The following PIEZO2 variants were observed in gnomAD, a reference collection of about 807,000 sequenced individuals.
PIEZO2 encodes the protein piezo type mechanosensitive ion channel component 2, also known as piezo-type mechanosensitive ion channel component 2.
Under a neutral mutation model 337.3 loss-of-function variants are expected in PIEZO2, and 172 were observed. The ratio of observed to expected loss-of-function variants is 0.51; its 90% CI spans 0.45 to 0.58. The LOEUF (loss-of-function observed/expected upper bound fraction) is 0.58, where lower values mean the gene tolerates loss of function less well. Ranked by LOEUF, PIEZO2 falls within the 20% of genes least tolerant of loss-of-function variation. The pLI, the probability that PIEZO2 is intolerant of heterozygous loss-of-function variation, is 0.00. For synonymous variants in PIEZO2, 1,251 were observed against 1,228.5 expected, an observed-to-expected ratio of 1.02 and a Z score of -0.38; for missense variants, 3,028 against 3,391.3, an observed-to-expected ratio of 0.89 and a Z score of 2.66.
chr18:10,723,026 G>A (rs1430350129), intron 36 of PIEZO2, among the ~76,000 whole-genome samples: 2 of 139,110 alleles, frequency 1.4e-5, no homozygotes, highest in East Asian at 4.3e-4. Flanking sequence ...GGAGTGCAAT[G>A]GCATGATCTT....
At chr18:11,142,386 T>C (rs1248722737) in intron 1 of PIEZO2, among the ~76,000 whole-genome samples, 3 of 152,242 alleles carry the variant, frequency 2.0e-5, no homozygotes, top group Non-Finnish European at 4.4e-5. Context: ...GAGTATGTAC[T>C]TCTCATCATT....
rs555070970 is a variant in PIEZO2 at position 11,071,739 on chromosome 18, C to G, written c.65-5517G>C. Among the ~76,000 whole-genome samples the G allele has an allele frequency of 1.4e-4, 22 of 152,280 alleles. No individual in the cohort carries two copies. The South Asian group carries it at 4.4e-3, about 30-fold the overall frequency. ...AGCACTCAGGCAAAGTGGAAGCAAG[C>G]CTGACCCTTCCAACTCACAGAAGAC... On this transcript the variant is annotated intron_variant, in intron 1 of 55. Transcript: ENST00000674853.
chr18:10,757,361 A>G (rs2037914642), intron 27 of PIEZO2, among the ~76,000 whole-genome samples: 1 of 147,466 alleles, frequency 6.8e-6, no homozygotes, highest in Non-Finnish European at 1.5e-5. Flanking sequence ...GAGGGTGATG[A>G]GGAGGGATGG....
At position 10,794,695 on chromosome 18, in the gene PIEZO2, G is replaced by A; in HGVS notation, c.1758+77C>T. The A allele has an allele frequency of 8.8e-7, 1 of 1,131,778 alleles. No individual in the cohort carries two copies. The highest frequency in any genetic ancestry group is 2.6e-5 in the East Asian group (1 of 38,754). The allele number at this position is 1,131,778 out of a possible 1,614,324, so 70.1% of individuals were successfully genotyped here. On this transcript the variant is annotated intron_variant, in intron 13 of 55. Coordinates refer to ENST00000674853, the MANE Select transcript of PIEZO2 (RefSeq NM_001378183.1). This position sits in a 1 kb window ranked among gnomAD's most constrained non-coding sequence, Gnocchi z 6.6. ...AATATTTGGAACCTGTTTTTATAAG[G>A]TTTCTCTTGGATACGATTATGATGA...
At position 10,713,704 on chromosome 18, in the gene PIEZO2, G is replaced by T. The variant is rs2035906071; in HGVS notation, c.5423+1060C>A. 6.6e-6 allele frequency among the ~76,000 whole-genome samples: 1 copy of T among 152,138 alleles called. No homozygotes were observed. Among genetic ancestry groups the T allele is most frequent in the Non-Finnish European group, 1.5e-5 (1 of 68,036 alleles). On this transcript the variant is annotated intron_variant, in intron 39 of 55. Transcript: ENST00000674853. This position sits in a 1 kb window ranked among gnomAD's most constrained non-coding sequence, Gnocchi z 4.5. ...TGCCTCTCCCAGAATAGAGCCCAGG[G>T]CTTGGCACAGAATAGCTGATACTCA...
intron 7 of PIEZO2, among the ~76,000 whole-genome samples, chr18:10,844,445 A>AAAATG (rs1239352675): frequency 6.6e-6 from 1 of 150,528 alleles, no homozygotes. Context: ...AAAATAAAAT[A>AAAATG]AAAATAAAGG....
chr18:10,931,700 G>GTC (rs2032095131), intron 3 of PIEZO2, among the ~76,000 whole-genome samples: 1 of 89,792 alleles, frequency 1.1e-5, no homozygotes, highest in Non-Finnish European at 2.2e-5. Context: ...TCTGTGTGGT[G>GTC]TGTGTGTGTG....
At chr18:10,735,192 C>A (rs1208027314) in intron 35 of PIEZO2, among the ~76,000 whole-genome samples, 40 bp downstream of exon 35, 1 of 152,110 alleles carries the variant, frequency 6.6e-6, no homozygotes. Flanking sequence ...TTCTACAGAG[C>A]AGAGAGTCAC....
chr18:10,884,427 T>G (rs1199123583), intron 4 of PIEZO2, among the ~76,000 whole-genome samples: 1 of 152,186 alleles, frequency 6.6e-6, no homozygotes, highest in Non-Finnish European at 1.5e-5. Context: ...TAGTTATTCT[T>G]ATAGCTTATT....
chr18:11,053,423 T>C (rs1221230830), intron 2 of PIEZO2, among the ~76,000 whole-genome samples: 2 of 152,202 alleles, frequency 1.3e-5, no homozygotes, highest in Admixed American at 6.5e-5. Flanking sequence ...AAATTAATAA[T>C]GCTGTGCTTC....
chr18:10,988,709 G>T lies in PIEZO2; in HGVS notation c.161-9049C>A, dbSNP rs924100286. Among the ~76,000 whole-genome samples, 7 of 152,128 alleles carry T rather than the reference G, an allele frequency of 4.6e-5. No individual in the cohort carries two copies. Among genetic ancestry groups the T allele is most frequent in the African/African-American group, 1.4e-4 (6 of 41,430 alleles). ...GTCCACTGAAGGAATATTGGATAAG[G>T]AAATTGTGGCATATACATACATAGA... On this transcript the variant is annotated intron_variant, in intron 2 of 55. Transcript: ENST00000674853. The surrounding 1 kb of genome is among the most constrained non-coding windows in gnomAD (Gnocchi z 4.8).
rs2037417480 is a variant in PIEZO2 at position 11,048,940 on chromosome 18, G to A, written c.160+17187C>T. Among the ~76,000 whole-genome samples, 1 of 152,166 alleles carries A rather than the reference G, an allele frequency of 6.6e-6. No individual in the cohort carries two copies. The highest frequency in any genetic ancestry group is 2.4e-5 in the African/African-American group (1 of 41,438). ...AATCAACTCAAATTCAAATGGGTCT[G>A]TTTAGGCAAAATAGCTACAGATGAA... On this transcript the variant is annotated intron_variant, in intron 2 of 55. Transcript: ENST00000674853. The surrounding 1 kb of genome is among the most constrained non-coding windows in gnomAD (Gnocchi z 4.5).
chr18:10,797,551 T>C lies in PIEZO2; in HGVS notation c.1379-29A>G, dbSNP rs542975362. On this transcript the variant is annotated intron_variant, in intron 11 of 55. Transcript: ENST00000674853. ...GATGGACGAATACTTTATTTAACTATTTATGCAAACATGTGACATTTGTAT... is the reference window on the plus strand; with the variant it reads ...GATGGACGAATACTTTATTTAACTACTTATGCAAACATGTGACATTTGTAT... The C allele has an allele frequency of 2.5e-4, 380 of 1,534,936 alleles. 2 individuals carry two copies. The highest frequency in any genetic ancestry group is 2.0e-3 in the South Asian group (163 of 83,522).
chr18:10,910,074 G>C (rs2030322749), intron 4 of PIEZO2, among the ~76,000 whole-genome samples: 1 of 152,154 alleles, frequency 6.6e-6, no homozygotes, highest in Admixed American at 6.6e-5. Flanking sequence ...TATACTTTAA[G>C]TGCTCTGTCA....
At chr18:10,723,647 C>A (rs1423070406) in intron 36 of PIEZO2, among the ~76,000 whole-genome samples, 1 of 152,104 alleles carries the variant, frequency 6.6e-6, no homozygotes, top group Non-Finnish European at 1.5e-5. Flanking sequence ...GCTGACCAGA[C>A]AAGGGAGCTC....
rs1168061216 is a variant in PIEZO2 at position 10,952,057 on chromosome 18, A to G, written c.286+27478T>C. Among the ~76,000 whole-genome samples the G allele has an allele frequency of 1.3e-5, 2 of 152,160 alleles. No individual in the cohort carries two copies. Among genetic ancestry groups the G allele is most frequent in the Non-Finnish European group, 2.9e-5 (2 of 68,028 alleles). ...GGCCTCCACAATAGCTCTTGGGGAAAGTCATCATGATCTTGAGAACCTGTG... is the reference window on the plus strand; with the variant it reads ...GGCCTCCACAATAGCTCTTGGGGAAGGTCATCATGATCTTGAGAACCTGTG... On this transcript the variant is annotated intron_variant, in intron 3 of 55. Transcript: ENST00000674853. The surrounding 1 kb of genome is among the most constrained non-coding windows in gnomAD (Gnocchi z 4.1).
At chr18:10,880,601 C>A (rs1165962403) in intron 4 of PIEZO2, among the ~76,000 whole-genome samples, 2 of 151,968 alleles carry the variant, frequency 1.3e-5, no homozygotes, top group Non-Finnish European at 2.9e-5. Context: ...TGAATTACAA[C>A]AACATGACTA....
chr18:10,838,719 G>A (rs1346511353), intron 7 of PIEZO2, among the ~76,000 whole-genome samples: 9 of 152,154 alleles, frequency 5.9e-5, no homozygotes, highest in Non-Finnish European at 2.9e-5. Flanking sequence ...TTCTATGAGT[G>A]TTGCAAATTT....
rs2039557254 is a variant in PIEZO2, at chr18:10,795,377, T to TC, written c.1528-376_1528-375insG. On this transcript the variant is annotated intron_variant, in intron 12 of 55. Transcript: ENST00000674853. The surrounding 1 kb of genome is among the most constrained non-coding windows in gnomAD (Gnocchi z 4.4). The stretch of plus-strand genomic sequence containing the variant: ...TTATTTTATTTTATTTTATTTTATT[T>TC]TATTTTATTTTATTTTATTTTATTT... Among the ~76,000 whole-genome samples the TC allele has an allele frequency of 2.2e-5, 1 of 45,210 alleles. No homozygotes were observed. Among genetic ancestry groups the TC allele is most frequent in the Non-Finnish European group, 5.4e-5 (1 of 18,576 alleles). 29.7% of individuals were successfully genotyped at this position (45,210 alleles called of 152,430 possible).
Sources: allele counts gnomAD v4.1 joint callset (sites outside exome capture counted in the v4.1 genomes callset), GRCh38; gene constraint gnomAD v4.1.1; non-coding constraint Gnocchi (gnomAD v3.1); transcripts MANE v1.5; gene names NCBI Gene and HGNC (gene_info 2026-07-23, HGNC 2026-07-21).